FBXO33: variants seen among roughly 807,000 people sequenced by gnomAD.
The protein encoded by FBXO33 is F-box protein 33.
A neutral mutation model predicts 46.3 loss-of-function variants in FBXO33; 22 were observed. The observed-to-expected ratio is 0.48, with a 90% confidence interval of 0.34 to 0.68. The LOEUF (loss-of-function observed/expected upper bound fraction) is 0.68. Ranked by LOEUF, FBXO33 falls within the 30% of genes least tolerant of loss-of-function variation. The probability of loss-of-function intolerance (pLI) is 0.01; values close to 1 mark genes in which losing one functional copy is unlikely to be tolerated. For missense variants in FBXO33, 692 were observed against 708.8 expected (o/e 0.98, Z 0.27); for synonymous variants, 337 against 291.3 (o/e 1.16, Z -1.60).
At chr14:39,411,820 C>T (rs1186134360) in intron 1 of FBXO33, among the ~76,000 whole-genome samples, 3 of 152,286 alleles carry the variant, frequency 2.0e-5, no homozygotes, top group Non-Finnish European at 4.4e-5. Context: ...TGGCACCTGG[C>T]CTTGACTTCC....
chr14:39,416,585 T>G (rs1459416620), intron 1 of FBXO33, among the ~76,000 whole-genome samples: 1 of 152,104 alleles, frequency 6.6e-6, no homozygotes, highest in Non-Finnish European at 1.5e-5. Context: ...TGTTTTCGAT[T>G]CTTTCTTCTG....
intron 1 of FBXO33, among the ~76,000 whole-genome samples, chr14:39,414,955 T>C (rs1359200719): frequency 6.6e-6 from 1 of 152,134 alleles, no homozygotes; most frequent in East Asian, 1.9e-4. Flanking sequence ...AATTTCAATA[T>C]TATTATCTCT....
chr14:39,416,936 T>C (rs1001994979), intron 1 of FBXO33, among the ~76,000 whole-genome samples: 1 of 152,216 alleles, frequency 6.6e-6, no homozygotes, highest in Non-Finnish European at 1.5e-5. Flanking sequence ...GTCTGTGCCT[T>C]TGAAGAAACA....
At chr14:39,428,787 T>C (rs1207008027) in intron 1 of FBXO33, among the ~76,000 whole-genome samples, 2 of 152,198 alleles carry the variant, frequency 1.3e-5, no homozygotes, top group Non-Finnish European at 2.9e-5. Context: ...TTTATATCTA[T>C]TTGTTGTTTG....
chr14:39,415,377 G>A (rs986424381), intron 1 of FBXO33, among the ~76,000 whole-genome samples: 1 of 152,134 alleles, frequency 6.6e-6, no homozygotes, highest in African/African-American at 2.4e-5. Flanking sequence ...TGGACAAATG[G>A]TGCCAATATA....
chr14:39,406,900 C>A (rs776500325), intron 1 of FBXO33, among the ~76,000 whole-genome samples: 1 of 151,990 alleles, frequency 6.6e-6, no homozygotes, highest in East Asian at 1.9e-4. Context: ...CTTAAATCAG[C>A]TATTAAAACT....
intron 1 of FBXO33, among the ~76,000 whole-genome samples, chr14:39,411,684 A>G (rs1164473914): frequency 6.6e-6 from 1 of 151,836 alleles, no homozygotes. Flanking sequence ...CACCATGCAC[A>G]GATAATTTTT....
intron 1 of FBXO33, 84 bp downstream of exon 1, chr14:39,431,480 G>A (rs769549552): frequency 1.5e-4 from 232 of 1,585,608 alleles, no homozygotes; most frequent in Non-Finnish European, 1.8e-4. Context: ...GGCCGGGCAC[G>A]TATTATGCAC....
At chr14:39,431,092 T>G (rs1595990305) in intron 1 of FBXO33, among the ~76,000 whole-genome samples, 1 of 152,214 alleles carries the variant, frequency 6.6e-6, no homozygotes, top group African/African-American at 2.4e-5. Flanking sequence ...AAAATGGCTG[T>G]TACAAAATTT....
chr14:39,431,580 T>C lies in FBXO33; in HGVS notation c.583A>G (p.Ser195Gly). 4 of 1,612,778 alleles carry C rather than the reference T, an allele frequency of 2.5e-6. No individual in the cohort carries two copies. The highest frequency in any genetic ancestry group is 3.4e-6 in the Non-Finnish European group (4 of 1,180,008). The change falls in exon 1 of 4, where the codon AGC becomes GGC. Residue 195 changes from serine (S) to glycine (G), a missense_variant. By Grantham distance (56) the Ser-to-Gly change is moderately conservative. Transcript: ENST00000298097. The stretch of plus-strand genomic sequence containing the variant: ...CAAGCCTACCTGTTGTTCCGGATGC[T>C]GACCAGCACGCAAAGCACCAGCTCC... The part of the protein sequence containing the change: ...YLELVLCVLV[S>G]IRNNRNLQKF...
At chr14:39,402,913 CAGG>C (rs2075375583) in intron 1 of FBXO33, among the ~76,000 whole-genome samples, 1 of 151,972 alleles carries the variant, frequency 6.6e-6, no homozygotes, top group Admixed American at 6.6e-5. Context: ...CAACATGATA[CAGG>C]AGAAGTGGCA....
Position 39,401,818 on chromosome 14 carries a change from G to T in FBXO33, c.754C>A (p.Leu252Met), listed in dbSNP as rs1027797772. The T allele has an allele frequency of 1.5e-5, 25 of 1,613,990 alleles. No individual in the cohort carries two copies. Among genetic ancestry groups the T allele is most frequent in the Non-Finnish European group, 2.0e-5 (24 of 1,179,976 alleles). ...FEEILSNSRQ[L>M]KWLSCGFMLE... ...ATAAACCCACAGGACAGCCATTTCA[G>T]TTGCCTACTATTACTCAGGATTTCT... Residue 252 changes from leucine to methionine, a missense_variant, in exon 3 of 4, where the codon CTG becomes ATG. By Grantham distance (15) the Leu-to-Met change is conservative. Coordinates refer to ENST00000298097, the MANE Select transcript of FBXO33 (RefSeq NM_203301.4).
rs758054452 is a variant in FBXO33 at position 39,399,564 on chromosome 14, T to C, written c.1620A>G (p.Pro540=). 1.2e-6 allele frequency: 2 copies of C among 1,612,990 alleles called. No homozygotes were observed. The highest frequency in any genetic ancestry group is 2.2e-5 in the South Asian group (2 of 90,850). ...GCATCTCTCTGTAAAAATGACGATT[T>C]GGTTCAGTGAAGACACTGAGTGATT... ...DIESLSVFTE[P]NRHFYREMQS... The change falls in exon 4 of 4, where the codon CCA becomes CCG. Residue 540 remains proline (P), a synonymous_variant. Coordinates refer to ENST00000298097, the MANE Select transcript of FBXO33 (RefSeq NM_203301.4).
At chr14:39,416,411 C>A (rs931640149) in intron 1 of FBXO33, among the ~76,000 whole-genome samples, 1 of 152,194 alleles carries the variant, frequency 6.6e-6, no homozygotes, top group African/African-American at 2.4e-5. Context: ...ATTTCCCTCA[C>A]CAGATTTGGG....
chr14:39,401,616 G>C lies in FBXO33; in HGVS notation c.956C>G (p.Thr319Arg). The C allele has an allele frequency of 6.2e-7, 1 of 1,614,182 alleles. No individual in the cohort carries two copies. Among genetic ancestry groups the C allele is most frequent in the South Asian group, 1.1e-5 (1 of 91,086 alleles). Residue 319 changes from threonine to arginine, a missense_variant, in exon 3 of 4, where the codon ACA (threonine) becomes AGA (arginine). Physicochemically the swap from Thr to Arg is moderately conservative, Grantham distance 71 (BLOSUM62 -1). Around this residue, in one of 3 missense-constraint regions of FBXO33, gnomAD observed 186 missense variants for 246.1 expected, o/e 0.76. Coordinates refer to ENST00000298097, the MANE Select transcript of FBXO33 (RefSeq NM_203301.4). ...AGTTAAGACTCTTGCCATCTCAGCTGTAAAGTCACAAAAATCCAAGGCAAG... is the reference window on the plus strand; with the variant it reads ...AGTTAAGACTCTTGCCATCTCAGCTCTAAAGTCACAAAAATCCAAGGCAAG... Reference protein sequence around the residue: ...HSLALDFCDFTAEMARVLTDS... With the variant: ...HSLALDFCDFRAEMARVLTDS...
intron 1 of FBXO33, among the ~76,000 whole-genome samples, chr14:39,407,804 C>A (rs1462801459): frequency 3.6e-4 from 55 of 152,182 alleles, no homozygotes; most frequent in Non-Finnish European, 7.3e-5. Flanking sequence ...TTTTTGTATA[C>A]ATATCCAGAA....
intron 1 of FBXO33, among the ~76,000 whole-genome samples, chr14:39,430,441 G>T (rs534629874): frequency 5.3e-5 from 8 of 152,114 alleles, no homozygotes; most frequent in Admixed American, 2.6e-4. Context: ...TCTCAACCTT[G>T]TTCAACATAA....
At position 39,431,921 on chromosome 14, in the gene FBXO33, GAGA is replaced by G. The variant is rs2075558943; in HGVS notation, c.239_241del (p.Phe80del). The G allele has an allele frequency of 1.3e-6, 2 of 1,538,130 alleles. No individual in the cohort carries two copies. The highest frequency in any genetic ancestry group is 1.7e-6 in the Non-Finnish European group (2 of 1,148,380). On this transcript the variant is annotated inframe_deletion, in exon 1 of 4. Coordinates refer to ENST00000298097, the MANE Select transcript of FBXO33 (RefSeq NM_203301.4). Reference sequence around the variant, plus strand: ...CAGCCGGTCGGGCGCCGGCAGAAAAGAGAAGATGTGCACGATCAGCTCGCTGGG... The same window carrying G: ...CAGCCGGTCGGGCGCCGGCAGAAAAGAGATGTGCACGATCAGCTCGCTGGG...
chr14:39,428,374 T>C (rs1332665475), intron 1 of FBXO33, among the ~76,000 whole-genome samples: 3 of 150,812 alleles, frequency 2.0e-5, no homozygotes, highest in Non-Finnish European at 4.4e-5. Flanking sequence ...CCCGGCTATG[T>C]ATTTTAAAAG....
Sources: allele counts gnomAD v4.1 joint callset (sites outside exome capture counted in the v4.1 genomes callset), GRCh38; gene constraint gnomAD v4.1.1; regional missense constraint gnomAD v4.1.1; transcripts MANE v1.5; gene names NCBI Gene and HGNC (gene_info 2026-07-23, HGNC 2026-07-21).